Variants in ADORA2B observed in about 807,000 individuals in gnomAD.
ADORA2B encodes adenosine receptor A2b.
In ADORA2B, 18 loss-of-function variants were observed where a neutral mutation model predicts 20.8. The observed-to-expected ratio is 0.87, with a 90% confidence interval of 0.60 to 1.29. ADORA2B has a LOEUF of 1.29. Ranked by LOEUF, ADORA2B falls within the 50% of genes most tolerant of loss-of-function variation. ADORA2B has a pLI of 0.00. For synonymous variants in ADORA2B, 179 were observed against 178.3 expected, an observed-to-expected ratio of 1.00 and a Z score of -0.03; for missense variants, 441 against 422.7, an observed-to-expected ratio of 1.04 and a Z score of -0.38.
chr17:15,972,507 T>C (rs1049669467), intron 1 of ADORA2B, among the ~76,000 whole-genome samples: 3 of 152,186 alleles, frequency 2.0e-5, no homozygotes, highest in African/African-American at 7.2e-5. Flanking sequence ...ATGGATAGAC[T>C]AGTGTATAGC....
chr17:15,918,646 A>G, the ADORA2B span, among the ~76,000 whole-genome samples: 1 of 151,834 alleles, frequency 6.6e-6, no homozygotes, highest in African/African-American at 2.4e-5. Flanking sequence ...TGATTTTTGT[A>G]TTTTTAGTAG....
the ADORA2B span, among the ~76,000 whole-genome samples, chr17:15,932,905 A>G: frequency 6.6e-6 from 1 of 152,182 alleles, no homozygotes; most frequent in Non-Finnish European, 1.5e-5. Flanking sequence ...AAACCTAAAA[A>G]TAACAAATAA....
chr17:15,949,148 C>T (rs1465675242), intron 1 of ADORA2B, among the ~76,000 whole-genome samples: 1 of 150,524 alleles, frequency 6.6e-6, no homozygotes, highest in African/African-American at 2.5e-5. Flanking sequence ...GCAGAGGTTG[C>T]AGTGAGCCAA....
At chr17:15,951,435 G>C (rs867879271) in intron 1 of ADORA2B, among the ~76,000 whole-genome samples, 48 of 152,192 alleles carry the variant, frequency 3.2e-4, no homozygotes, top group African/African-American at 1.2e-3. Flanking sequence ...ACCCAAGCCT[G>C]AGTGTTACTT....
chr17:15,869,287 T>G, the ADORA2B span, among the ~76,000 whole-genome samples: 2 of 151,844 alleles, frequency 1.3e-5, no homozygotes, highest in South Asian at 2.1e-4. Flanking sequence ...GCCACTGCAC[T>G]GTAGCCTGGG....
the ADORA2B span, among the ~76,000 whole-genome samples, chr17:15,912,805 G>C: frequency 6.6e-6 from 1 of 152,170 alleles, no homozygotes; most frequent in African/African-American, 2.4e-5. Context: ...CCACTGTTTG[G>C]GCCCCATTAG....
At chr17:15,949,638 G>A (rs548386471) in intron 1 of ADORA2B, among the ~76,000 whole-genome samples, 4 of 150,626 alleles carry the variant, frequency 2.7e-5, no homozygotes, top group African/African-American at 9.8e-5. Context: ...TTGGGAGGCC[G>A]AGGCAGGTGG....
chr17:15,946,992 G>A (rs549055422), intron 1 of ADORA2B, among the ~76,000 whole-genome samples: 1 of 152,334 alleles, frequency 6.6e-6, no homozygotes, highest in Admixed American at 6.5e-5. Context: ...GTTGGGCCTG[G>A]TCCTTGCAGG....
At chr17:15,868,346 A>G in the ADORA2B span, among the ~76,000 whole-genome samples, 6 of 135,742 alleles carry the variant, frequency 4.4e-5, 2 homozygotes, top group Non-Finnish European at 9.8e-5. Flanking sequence ...CCCCTCTGCG[A>G]GAAACACCCA....
chr17:15,902,719 C>T, the ADORA2B span, among the ~76,000 whole-genome samples: 1 of 152,206 alleles, frequency 6.6e-6, no homozygotes, highest in Non-Finnish European at 1.5e-5. Flanking sequence ...CACCAAACCA[C>T]ATGGGAGGAT....
intron 1 of ADORA2B, among the ~76,000 whole-genome samples, chr17:15,951,576 T>G (rs1342972613): frequency 6.6e-6 from 1 of 152,218 alleles, no homozygotes; most frequent in Non-Finnish European, 1.5e-5. Flanking sequence ...AAGGGGCTGG[T>G]TCCTGGCATG....
intron 1 of ADORA2B, among the ~76,000 whole-genome samples, chr17:15,954,525 T>C (rs531107830): frequency 1.3e-5 from 2 of 152,352 alleles, no homozygotes; most frequent in African/African-American, 4.8e-5. Flanking sequence ...CAGCATTTCC[T>C]GCATTCCATG....
chr17:15,930,828 T>C, the ADORA2B span, among the ~76,000 whole-genome samples: 2 of 152,232 alleles, frequency 1.3e-5, no homozygotes, highest in Non-Finnish European at 2.9e-5. Flanking sequence ...AATGTCCATA[T>C]TTTTTCATTT....
intron 1 of ADORA2B, among the ~76,000 whole-genome samples, chr17:15,960,939 G>A (rs1367497895): frequency 6.7e-6 from 1 of 148,358 alleles, no homozygotes; most frequent in Non-Finnish European, 1.5e-5. Flanking sequence ...AGGCCGAGGC[G>A]GGCGATTCAC....
chr17:15,944,464 G>A (rs1193659326), upstream of ADORA2B, among the ~76,000 whole-genome samples: 1 of 152,182 alleles, frequency 6.6e-6, no homozygotes, highest in Non-Finnish European at 1.5e-5. This position sits in a 1 kb window ranked among gnomAD's most constrained non-coding sequence, Gnocchi z 4.8. Context: ...ACGAGGATGG[G>A]ACGGCCACGA....
At chr17:15,850,941 C>T in the ADORA2B span, among the ~76,000 whole-genome samples, 1 of 152,178 alleles carries the variant, frequency 6.6e-6, no homozygotes, top group Admixed American at 6.5e-5. Flanking sequence ...AACATGGTCA[C>T]ATCATGATAG....
At chr17:15,871,326 C>T in the ADORA2B span, among the ~76,000 whole-genome samples, 1 of 152,206 alleles carries the variant, frequency 6.6e-6, no homozygotes, top group African/African-American at 2.4e-5. Context: ...CTGGGCCCAT[C>T]AGCCTCTTCC....
At chr17:15,909,663 T>C in the ADORA2B span, among the ~76,000 whole-genome samples, 1 of 152,234 alleles carries the variant, frequency 6.6e-6, no homozygotes, top group Admixed American at 6.5e-5. Flanking sequence ...TTTGTGGGAA[T>C]GGCCTGTGTC....
At chr17:15,886,612 T>A in the ADORA2B span, among the ~76,000 whole-genome samples, 3 of 130,628 alleles carry the variant, frequency 2.3e-5, 1 homozygote, top group Non-Finnish European at 4.9e-5. Context: ...CCAGCAGAGC[T>A]GTGCATAGCT....
Sources: allele counts gnomAD v4.1 joint callset (sites outside exome capture counted in the v4.1 genomes callset), GRCh38; gene constraint gnomAD v4.1.1; non-coding constraint Gnocchi (gnomAD v3.1); transcripts MANE v1.5; gene names NCBI Gene and HGNC (gene_info 2026-07-23, HGNC 2026-07-21).